The following CATSPER2 variants were observed in gnomAD, a reference collection of about 807,000 sequenced individuals.
The protein encoded by CATSPER2 is cation channel sperm-associated protein 2.
CATSPER2 carries 56 observed loss-of-function variants against 68.8 expected under a neutral mutation model. That is an observed-to-expected ratio of 0.81 (90% CI 0.66 to 1.02). CATSPER2 has a LOEUF of 1.02. CATSPER2 is among the 50% of genes least tolerant of loss of function. The pLI, the probability that CATSPER2 is intolerant of heterozygous loss-of-function variation, is 0.00. For missense variants in CATSPER2, 582 were observed against 642.0 expected (o/e 0.91, Z 1.01); for synonymous variants, 198 against 229.9 (o/e 0.86, Z 1.26).
chr15:43,648,206 G>A (rs543310402), intron 1 of CATSPER2, 143 bp from the exon 2 acceptor site: 1 of 1,007,438 alleles, frequency 9.9e-7, no homozygotes, highest in African/African-American at 1.6e-5. Context: ...GAGCAGTTGG[G>A]AAGAACAAAC....
chr15:43,646,799 AC>A (rs2086174084), intron 4 of CATSPER2, among the ~76,000 whole-genome samples: 1 of 148,478 alleles, frequency 6.7e-6, no homozygotes. Flanking sequence ...ACTGAAACCT[AC>A]GCCTCCTGGG....
chr15:43,640,248 T>C lies in CATSPER2; in HGVS notation c.561+76A>G, dbSNP rs577762045. The C allele has an allele frequency of 2.0e-4, 322 of 1,592,742 alleles. 3 individuals carry two copies. The highest frequency in any genetic ancestry group is 2.5e-4 in the Non-Finnish European group (292 of 1,167,232). ...AAATTTTTGTTTCTTCCTATTATCA[T>C]GTTAACTTGTTCTTTCGATTCACCT... On this transcript the variant is annotated intron_variant, in intron 5 of 12. Transcript: ENST00000396879.
Position 43,648,844 on chromosome 15 carries a change from C to G in CATSPER2, c.-218G>C, listed in dbSNP as rs753153645. 3 of 1,527,340 alleles carry G rather than the reference C, an allele frequency of 2.0e-6. No homozygotes were observed. The highest frequency in any genetic ancestry group is 1.2e-5 in the South Asian group (1 of 82,928). 94.6% of individuals were successfully genotyped at this position (1,527,340 alleles called of 1,614,324 possible). ...CACAGCCCAGGACCATGCGGAGCAA[C>G]GCTCGCCCAGCCACTCGCCGCCTAG... On this transcript the variant is annotated 5_prime_UTR_variant, in exon 1 of 13. Coordinates refer to ENST00000396879, the MANE Select transcript of CATSPER2 (RefSeq NM_172095.4).
At position 43,648,800 on chromosome 15, in the gene CATSPER2, C is replaced by T; in HGVS notation, c.-174G>A. On this transcript the variant is annotated 5_prime_UTR_variant, in exon 1 of 13. Transcript: ENST00000396879. ...CCCCAGGTTTCGGCTCACCCCGGGA[C>T]CCGGCCCTAGCCCCTACCCACAGCC... is the stretch of plus-strand genomic sequence containing the variant. 5 of 1,532,378 alleles carry T rather than the reference C, an allele frequency of 3.3e-6. No individual in the cohort carries two copies. The highest frequency in any genetic ancestry group is 4.4e-6 in the Non-Finnish European group (5 of 1,143,168). The allele number at this position is 1,532,378 out of a possible 1,614,324, so 94.9% of individuals were successfully genotyped here.
Position 43,632,242 on chromosome 15 carries a change from A to G in CATSPER2, c.1518T>C (p.Leu506=). ...LFRYFELLEK[L]QYNLEERKKL... is the part of the protein sequence containing the mutation. Reference sequence around the variant, plus strand: ...TCTTACGTTCCTCTAGGTTATACTGAAGCTTTTCTAGCAACTCAAAATATC... The same window carrying G: ...TCTTACGTTCCTCTAGGTTATACTGGAGCTTTTCTAGCAACTCAAAATATC... The change falls in exon 12 of 13, where the codon CTT becomes CTC. Residue 506 remains leucine, a synonymous_variant. Transcript: ENST00000396879. 2 of 1,613,664 alleles carry G rather than the reference A, an allele frequency of 1.2e-6. No homozygotes were observed. The highest frequency in any genetic ancestry group is 1.7e-6 in the Non-Finnish European group (2 of 1,179,798).
chr15:43,647,293 C>T lies in CATSPER2; in HGVS notation c.319+1G>A, dbSNP rs2086185972. The T allele has an allele frequency of 1.2e-6, 2 of 1,606,996 alleles. No homozygotes were observed. The highest frequency in any genetic ancestry group is 2.7e-5 in the African/African-American group (2 of 74,666). On this transcript the variant is annotated splice_donor_variant, in intron 3 of 12. Coordinates refer to ENST00000396879, the MANE Select transcript of CATSPER2 (RefSeq NM_172095.4). LOFTEE classifies it high-confidence loss of function. Reference sequence around the variant, plus strand: ...TAAAAATGAGTGACATGAAAGGATACACTCAAGGACCCATCCGGCCCACAA... The same window carrying T: ...TAAAAATGAGTGACATGAAAGGATATACTCAAGGACCCATCCGGCCCACAA...
upstream of CATSPER2, chr15:43,648,861 G>A (rs1321564764): frequency 1.6e-5 from 25 of 1,515,522 alleles, no homozygotes; most frequent in East Asian, 1.8e-4. Context: ...CCAGCCACTC[G>A]CCGCCTAGGC....
chr15:43,632,844 T>A lies in CATSPER2; in HGVS notation c.1269A>T (p.Leu423Phe), dbSNP rs1255581076. The A allele has an allele frequency of 1.9e-6, 3 of 1,613,584 alleles. No individual in the cohort carries two copies. The highest frequency in any genetic ancestry group is 2.2e-5 in the South Asian group (2 of 91,028). ...CTTCTGTTTTTGATGCAGATGTTAT[T>A]AAATCCTCTTCAGTGGCACCATAAT... ...ESNYGATEED[L>F]ITSASKTEET... is the part of the protein sequence containing the mutation. Residue 423 changes from leucine (L) to phenylalanine (F), a missense_variant, in exon 11 of 13, where the codon TTA (leucine) becomes TTT (phenylalanine). This residue lies in a region of CATSPER2 where 235 missense variants were observed against 264.2 expected (regional missense o/e 0.89). Transcript: ENST00000396879.
intron 12 of CATSPER2, among the ~76,000 whole-genome samples, chr15:43,631,985 CAG>C (rs1255463653): frequency 2.6e-5 from 4 of 151,956 alleles, no homozygotes; most frequent in South Asian, 4.2e-4. Flanking sequence ...GCTACAGAAG[CAG>C]AGTTTCTAGG....
chr15:43,645,848 G>C lies in CATSPER2; in HGVS notation c.388+1202C>G, dbSNP rs150716102. On this transcript the variant is annotated intron_variant, in intron 4 of 12. Transcript: ENST00000396879. ...CAGTGAGAATGAAACAAGTTCTACT[G>C]TCCTTTCATCATTTCTGAGCAGTTT... Among the ~76,000 whole-genome samples the C allele has an allele frequency of 3.8e-3, 580 of 152,048 alleles. 14 individuals carry two copies. Among genetic ancestry groups the C allele is most frequent in the Non-Finnish European group, 2.8e-3 (190 of 67,968 alleles).
chr15:43,637,765 A>G (rs990907520), intron 7 of CATSPER2: 1 of 151,918 alleles, frequency 6.6e-6, no homozygotes, highest in Non-Finnish European at 1.5e-5. Flanking sequence ...GACAGAGATC[A>G]GGAATAGGCG....
rs545565154 is a variant in CATSPER2, at chr15:43,648,794, C to A, written c.-168G>T. 6.5e-7 allele frequency: 1 copy of A among 1,531,876 alleles called. No homozygotes were observed. 94.9% of individuals were successfully genotyped at this position (1,531,876 alleles called of 1,614,324 possible). On this transcript the variant is annotated 5_prime_UTR_variant, in exon 1 of 13. Transcript: ENST00000396879. ...CTCGACCCCCAGGTTTCGGCTCACC[C>A]CGGGACCCGGCCCTAGCCCCTACCC...
chr15:43,647,079 A>G lies in CATSPER2; in HGVS notation c.359T>C (p.Leu120Ser). 1 of 1,613,110 alleles carries G rather than the reference A, an allele frequency of 6.2e-7. No individual in the cohort carries two copies. Among genetic ancestry groups the G allele is most frequent in the Non-Finnish European group, 8.5e-7 (1 of 1,179,202 alleles). Reference protein sequence around the residue: ...FKNFIIFLVFLNTIILMVEIE... With the variant: ...FKNFIIFLVFSNTIILMVEIE... ...TTCAACCATCAATATGATCGTATTC[A>G]AAAAGACCAGGAAGATGATGAAGTT... Residue 120 changes from leucine to serine, a missense_variant, in exon 4 of 13, where the codon TTG becomes TCG. Physicochemically the swap from Leu to Ser is moderately radical, Grantham distance 145. Coordinates refer to ENST00000396879, the MANE Select transcript of CATSPER2 (RefSeq NM_172095.4).
chr15:43,641,355 C>G (rs2086070665), intron 4 of CATSPER2, among the ~76,000 whole-genome samples: 1 of 151,710 alleles, frequency 6.6e-6, no homozygotes. Flanking sequence ...TCAGGTGATC[C>G]GCCCACCTCA....
chr15:43,630,355 G>C lies in CATSPER2; in HGVS notation c.*346C>G. 1 of 350,142 alleles carries C rather than the reference G, an allele frequency of 2.9e-6. No individual in the cohort carries two copies. The allele number at this position is 350,142 out of a possible 1,614,324, so 21.7% of individuals were successfully genotyped here. On this transcript the variant is annotated 3_prime_UTR_variant, in exon 13 of 13. Transcript: ENST00000396879. ...GGTCACACTACTGAGCAGCTATCAGGAGTATTTATAAGACACTTATACAGA... is the reference window on the plus strand; with the variant it reads ...GGTCACACTACTGAGCAGCTATCAGCAGTATTTATAAGACACTTATACAGA...
chr15:43,630,966 G>A (rs2085860720), intron 12 of CATSPER2, among the ~76,000 whole-genome samples: 1 of 151,936 alleles, frequency 6.6e-6, no homozygotes, highest in Admixed American at 6.6e-5. Flanking sequence ...GAGAATAAGT[G>A]GGAAGTCAGG....
chr15:43,632,423 G>C, intron 11 of CATSPER2, 60 bp from the exon 12 acceptor site: 1 of 1,594,300 alleles, frequency 6.3e-7, no homozygotes, highest in South Asian at 1.1e-5. Flanking sequence ...GGTAAGAGCT[G>C]GTAAATCCTA....
At position 43,633,005 on chromosome 15, in the gene CATSPER2, G is replaced by T. The variant is rs1407189631; in HGVS notation, c.1179-71C>A. ...CTAGTCCACTCATTATTCTGGTTCT[G>T]CCCCTGGCCACCCCCTAAAGCTGGG... On this transcript the variant is annotated intron_variant, in intron 10 of 12. Coordinates refer to ENST00000396879, the MANE Select transcript of CATSPER2 (RefSeq NM_172095.4). The T allele has an allele frequency of 6.8e-6, 9 of 1,322,706 alleles. 1 individual carries two copies. In the African/African-American group the frequency reaches 1.3e-4, roughly 20 times the overall value. The allele number at this position is 1,322,706 out of a possible 1,614,324, so 81.9% of individuals were successfully genotyped here. A position where few individuals can be genotyped will look rare whatever the true frequency, so the allele number is the denominator to read the frequency against.
chr15:43,647,207 TGA>T, intron 3 of CATSPER2, 85 bp downstream of exon 3: 1 of 1,569,516 alleles, frequency 6.4e-7, no homozygotes, highest in Non-Finnish European at 8.8e-7. Flanking sequence ...GCAGTGAAAA[TGA>T]GACAGTGGAG....
Sources: gnomAD v4.1 joint callset for allele counts (sites outside exome capture counted in the v4.1 genomes callset) on GRCh38, gnomAD v4.1.1 for gene constraint, gnomAD v4.1.1 regional missense constraint, MANE v1.5 for transcripts, NCBI Gene and HGNC (gene_info 2026-07-23, HGNC 2026-07-21) for gene names.